SLC5A10: variants seen among roughly 807,000 people sequenced by gnomAD.
SLC5A10 encodes sodium/mannose cotransporter SLC5A10.
In SLC5A10, 55 loss-of-function variants were observed where a neutral mutation model predicts 68.9. The observed-to-expected ratio is 0.80, with a 90% CI of 0.64 to 1.00. The LOEUF is 1.00. Ranked by LOEUF, SLC5A10 falls within the 50% of genes least tolerant of loss-of-function variation. The pLI, the probability that SLC5A10 is intolerant of heterozygous loss-of-function variation, is 0.00. For missense variants in SLC5A10, 732 were observed against 819.3 expected (o/e 0.89, Z 1.30); for synonymous variants, 344 against 344.8 (o/e 1.00, Z 0.02).
intron 7 of SLC5A10, chr17:18,969,876 T>TG (rs1205974471): frequency 6.3e-6 from 1 of 159,082 alleles, no homozygotes; most frequent in Non-Finnish European, 1.4e-5. Flanking sequence ...AGAAGAGAGC[T>TG]GGGAGAGATT....
rs141784762 is a variant in SLC5A10 at position 19,005,647 on chromosome 17, A to AC, written c.983-7754dup. Among the ~76,000 whole-genome samples, 1,733 of 136,986 alleles carry AC rather than the reference A, an allele frequency of 0.013. 123 individuals carry two copies. In the East Asian group the frequency reaches 0.2, roughly 16 times the overall value. The allele number at this position is 136,986 out of a possible 152,430, so 89.9% of individuals were successfully genotyped here. ...ACATCTCTAGGCCTTGTGCCCTCAAACCCCCCCCCTCCAAGGCCTTCTCCA... is the reference window on the plus strand; with the variant it reads ...ACATCTCTAGGCCTTGTGCCCTCAAACCCCCCCCCCTCCAAGGCCTTCTCCA... On this transcript the variant is annotated intron_variant, in intron 9 of 14. Coordinates refer to ENST00000395645, the MANE Select transcript of SLC5A10 (RefSeq NM_001042450.4).
intron 5 of SLC5A10, 87 bp downstream of exon 5, chr17:18,960,739 C>T (rs1015949993): frequency 1.2e-5 from 15 of 1,270,486 alleles, no homozygotes; most frequent in Middle Eastern, 3.7e-4. Context: ...TCTTCTCATT[C>T]ATCTCTGCCT....
chr17:19,013,452 G>A lies in SLC5A10; in HGVS notation c.1025G>A (p.Cys342Tyr). The A allele has an allele frequency of 6.2e-7, 1 of 1,605,264 alleles. No individual in the cohort carries two copies. Residue 342 changes from cysteine to tyrosine, a missense_variant, in exon 10 of 15, where the codon TGC (cysteine) becomes TAC (tyrosine). Cys to Tyr is a radical substitution (Grantham distance 194). Transcript: ENST00000395645. Reference protein sequence around the residue: ...CVVPSECLRACGAEVGCSNIA... With the variant: ...CVVPSECLRAYGAEVGCSNIA... ...GTGCCGTCCGAGTGCCTGCGGGCCTGCGGGGCCGAGGTCGGCTGCTCCAAC... is the reference window on the plus strand; with the variant it reads ...GTGCCGTCCGAGTGCCTGCGGGCCTACGGGGCCGAGGTCGGCTGCTCCAAC...
intron 9 of SLC5A10, among the ~76,000 whole-genome samples, chr17:18,987,971 C>T (rs148923959): frequency 2.1e-3 from 321 of 152,372 alleles, no homozygotes; most frequent in Non-Finnish European, 3.9e-3. Context: ...TCTGAAATAA[C>T]ATGATGCAGC....
Position 19,004,044 on chromosome 17 carries a change from C to T in SLC5A10, c.983-9366C>T. The T allele has an allele frequency of 6.3e-7, 1 of 1,578,632 alleles. No homozygotes were observed. On this transcript the variant is annotated intron_variant, in intron 9 of 14. Coordinates refer to ENST00000395645, the MANE Select transcript of SLC5A10 (RefSeq NM_001042450.4). The surrounding 1 kb of genome is among the most constrained non-coding windows in gnomAD (Gnocchi z 5.4). ...CACTGCACCTGAGAGAAGGCCATGGCGCCGCCTGCCCGGGCACTGCTGCCG... is the reference window on the plus strand; with the variant it reads ...CACTGCACCTGAGAGAAGGCCATGGTGCCGCCTGCCCGGGCACTGCTGCCG...
At chr17:18,992,604 C>T (rs2043456523) in intron 9 of SLC5A10, among the ~76,000 whole-genome samples, 1 of 152,350 alleles carries the variant, frequency 6.6e-6, no homozygotes, top group South Asian at 2.1e-4. Flanking sequence ...CCAGCCAGAG[C>T]CCCCTGAGCA....
chr17:18,983,577 G>A (rs1464461652), intron 9 of SLC5A10, among the ~76,000 whole-genome samples: 1 of 152,228 alleles, frequency 6.6e-6, no homozygotes, highest in East Asian at 1.9e-4. Context: ...TGGGAACAGT[G>A]AGGCCAGGCC....
chr17:18,979,885 C>G (rs144946495), intron 9 of SLC5A10, among the ~76,000 whole-genome samples: 1 of 152,078 alleles, frequency 6.6e-6, no homozygotes, highest in Non-Finnish European at 1.5e-5. Context: ...AGCTACAGAG[C>G]GGGCAGGCAC....
chr17:18,964,050 C>T (rs578018234), intron 5 of SLC5A10, among the ~76,000 whole-genome samples: 23 of 152,322 alleles, frequency 1.5e-4, no homozygotes, highest in Non-Finnish European at 2.9e-4. Flanking sequence ...AACCTTCTGC[C>T]TGGATATCCA....
intron 9 of SLC5A10, chr17:18,979,003 G>T (rs2043061853): frequency 2.5e-6 from 2 of 810,200 alleles, no homozygotes. Flanking sequence ...ATACTGTGGG[G>T]TCAGACTGAG....
chr17:18,983,686 C>T (rs1326855668), intron 9 of SLC5A10, among the ~76,000 whole-genome samples: 2 of 152,202 alleles, frequency 1.3e-5, no homozygotes, highest in Admixed American at 1.3e-4. Flanking sequence ...TCTACAGGGC[C>T]TGTCTCGCTC....
In SLC5A10 at chr17:19,020,206, A is replaced by G; in HGVS notation, c.1678A>G (p.Lys560Glu). ...GGCTCAGGATGTGCCCTTGGGAACTAAAGCAGGTAAGTGGATGACCCTAGG... is the reference window on the plus strand; with the variant it reads ...GGCTCAGGATGTGCCCTTGGGAACTGAAGCAGGTAAGTGGATGACCCTAGG... Reference protein sequence around the residue: ...TLAQDVPLGTKAGDGQTPQKH... With the variant: ...TLAQDVPLGTEAGDGQTPQKH... Residue 560 changes from lysine (K) to glutamate (E), a missense_variant, in exon 14 of 15, where the codon AAA (lysine) becomes GAA (glutamate). Physicochemically the swap from Lys to Glu is moderately conservative, Grantham distance 56. Transcript: ENST00000395645. 6.2e-7 allele frequency: 1 copy of G among 1,612,220 alleles called. No individual in the cohort carries two copies. Among genetic ancestry groups the G allele is most frequent in the Non-Finnish European group, 8.5e-7 (1 of 1,179,848 alleles).
At chr17:18,986,801 G>A (rs529104901) in intron 9 of SLC5A10, among the ~76,000 whole-genome samples, 2 of 152,352 alleles carry the variant, frequency 1.3e-5, no homozygotes, top group South Asian at 4.1e-4. Context: ...GTGCTGGTGG[G>A]GCCCCACTGG....
At chr17:18,963,874 G>T (rs1221724992) in intron 5 of SLC5A10, among the ~76,000 whole-genome samples, 2 of 152,218 alleles carry the variant, frequency 1.3e-5, no homozygotes, top group Admixed American at 6.5e-5. Flanking sequence ...CATGCCACTT[G>T]CAGTAAAGGT....
intron 5 of SLC5A10, among the ~76,000 whole-genome samples, chr17:18,965,666 C>G (rs567452819): frequency 6.6e-6 from 1 of 152,234 alleles, no homozygotes; most frequent in South Asian, 2.1e-4. Flanking sequence ...ACAGGGCCCA[C>G]ACGTCCTCTC....
intron 1 of SLC5A10, chr17:18,954,278 G>A (rs2042440836): frequency 6.6e-6 from 1 of 152,276 alleles, no homozygotes; most frequent in African/African-American, 2.4e-5. Context: ...AAGAGGAGGG[G>A]AGACAAGGCT....
chr17:18,984,654 C>T (rs1041929064), intron 9 of SLC5A10, among the ~76,000 whole-genome samples: 22 of 152,258 alleles, frequency 1.4e-4, no homozygotes, highest in African/African-American at 5.1e-4. Context: ...TCAGATGGCC[C>T]AGGCATCTCA....
In SLC5A10 at chr17:18,960,196, C is replaced by T. The variant is rs1055761960; in HGVS notation, c.349-352C>T. Among the ~76,000 whole-genome samples, 2 of 152,226 alleles carry T rather than the reference C, an allele frequency of 1.3e-5. 1 individual carries two copies. The highest frequency in any genetic ancestry group is 4.1e-4 in the South Asian group (2 of 4,834). ...CCAGCTCTGCCCCTCACAGCCACCT[C>T]CCTCATCCAGCCTCATCATAGTGCA... On this transcript the variant is annotated intron_variant, in intron 4 of 14. Coordinates refer to ENST00000395645, the MANE Select transcript of SLC5A10 (RefSeq NM_001042450.4).
At chr17:18,988,753 C>T (rs759781341) in intron 9 of SLC5A10, among the ~76,000 whole-genome samples, 4 of 152,236 alleles carry the variant, frequency 2.6e-5, no homozygotes, top group African/African-American at 7.2e-5. Context: ...GCTGGCGTGG[C>T]GGCTCGCTGG....
Sources: allele counts gnomAD v4.1 joint callset (sites outside exome capture counted in the v4.1 genomes callset), GRCh38; gene constraint gnomAD v4.1.1; non-coding constraint Gnocchi (gnomAD v3.1); transcripts MANE v1.5; gene names NCBI Gene and HGNC (gene_info 2026-07-23, HGNC 2026-07-21).